The following ADK variants were observed in gnomAD, a reference collection of about 807,000 sequenced individuals.
ADK encodes adenosine kinase.
A neutral mutation model predicts 44.7 loss-of-function variants in ADK; 24 were observed. The observed-to-expected ratio is 0.54, with a 90% CI of 0.39 to 0.76. ADK has a LOEUF of 0.76. Ranked by LOEUF, ADK falls within the 30% of genes least tolerant of loss-of-function variation. ADK has a pLI of 0.00. For synonymous variants in ADK, 128 were observed against 142.6 expected, an observed-to-expected ratio of 0.90 and a Z score of 0.73; for missense variants, 321 against 425.1, an observed-to-expected ratio of 0.76 and a Z score of 2.15.
intron 7 of ADK, among the ~76,000 whole-genome samples, chr10:74,535,852 GTGC>G (rs1345198361): frequency 6.6e-6 from 1 of 152,008 alleles, no homozygotes; most frequent in East Asian, 1.9e-4. Flanking sequence ...GCCTCCCAAA[GTGC>G]TGAGATTACA....
At position 74,509,881 on chromosome 10, in the gene ADK, A is replaced by G. The variant is rs191764946; in HGVS notation, c.556-15375A>G. Among the ~76,000 whole-genome samples, 605 of 152,152 alleles carry G rather than the reference A, an allele frequency of 4.0e-3. 2 individuals carry two copies. The highest frequency in any genetic ancestry group is 0.014 in the African/African-American group (565 of 41,506). On this transcript the variant is annotated intron_variant, in intron 6 of 10. Transcript: ENST00000539909. ...CATTTCACTTAACATAATGTCCTCCAGTTTTATCTATGTTGCCATGAACCA... is the reference window on the plus strand; with the variant it reads ...CATTTCACTTAACATAATGTCCTCCGGTTTTATCTATGTTGCCATGAACCA...
intron 7 of ADK, among the ~76,000 whole-genome samples, chr10:74,541,802 C>CCG (rs1349063508): frequency 1.5e-5 from 2 of 137,682 alleles, no homozygotes; most frequent in East Asian, 2.3e-4. Context: ...ACACCCCCCC[C>CCG]CCCTAAAAAA....
chr10:74,511,146 C>A (rs945320265), intron 6 of ADK, among the ~76,000 whole-genome samples: 1 of 152,166 alleles, frequency 6.6e-6, no homozygotes, highest in Admixed American at 6.5e-5. Flanking sequence ...ATTCTTGGCA[C>A]TTTTGTCAAA....
intron 4 of ADK, among the ~76,000 whole-genome samples, chr10:74,319,424 T>C (rs539588368): frequency 2.0e-4 from 30 of 152,328 alleles, no homozygotes; most frequent in African/African-American, 7.2e-4. Context: ...TGTGTACATA[T>C]GTACCTCTGG....
intron 10 of ADK, among the ~76,000 whole-genome samples, chr10:74,683,666 G>A (rs759786598): frequency 3.3e-5 from 5 of 152,206 alleles, no homozygotes; most frequent in Admixed American, 1.3e-4. Flanking sequence ...AGACGCACAT[G>A]GGAATTAGGA....
chr10:74,254,144 A>T (rs891438385), intron 3 of ADK, among the ~76,000 whole-genome samples: 2 of 152,206 alleles, frequency 1.3e-5, no homozygotes, highest in Non-Finnish European at 2.9e-5. Flanking sequence ...TAATGTTGCA[A>T]AATTGTTATA....
At chr10:74,218,002 A>G (rs1005106979) in intron 2 of ADK, among the ~76,000 whole-genome samples, 1 of 152,238 alleles carries the variant, frequency 6.6e-6, no homozygotes, top group Non-Finnish European at 1.5e-5. Flanking sequence ...CTCACCAGCA[A>G]TGGAACAAAG....
At chr10:74,273,122 G>A (rs1205691765) in intron 3 of ADK, among the ~76,000 whole-genome samples, 1 of 152,006 alleles carries the variant, frequency 6.6e-6, no homozygotes, top group African/African-American at 2.4e-5. Context: ...CCCAGTTGTG[G>A]GGAGGTCAGT....
At chr10:74,496,456 TTCTC>T (rs1426086693) in intron 6 of ADK, among the ~76,000 whole-genome samples, 2 of 152,342 alleles carry the variant, frequency 1.3e-5, no homozygotes, top group East Asian at 3.9e-4. Context: ...CTTGCATTCA[TTCTC>T]TCTCCTGCCA....
At chr10:74,665,299 C>A (rs1854905151) in intron 9 of ADK, among the ~76,000 whole-genome samples, 1 of 152,140 alleles carries the variant, frequency 6.6e-6, no homozygotes, top group Non-Finnish European at 1.5e-5. Flanking sequence ...TAAGCAATGG[C>A]ATAAGAATGT....
chr10:74,624,956 C>A (rs1456248482), intron 9 of ADK, among the ~76,000 whole-genome samples: 1 of 151,794 alleles, frequency 6.6e-6, no homozygotes, highest in African/African-American at 2.4e-5. Context: ...ACATGAGAAC[C>A]TCTAATCTCA....
chr10:74,173,906 G>C (rs1842240661), intron 1 of ADK, among the ~76,000 whole-genome samples: 1 of 152,098 alleles, frequency 6.6e-6, no homozygotes, highest in African/African-American at 2.4e-5. Context: ...TATGCCATGT[G>C]CCAAGGATTC....
At chr10:74,517,387 T>A (rs902323762) in intron 6 of ADK, among the ~76,000 whole-genome samples, 1 of 151,984 alleles carries the variant, frequency 6.6e-6, no homozygotes, top group Admixed American at 6.6e-5. Context: ...AGTATTTTAA[T>A]CCTTAAACAG....
At chr10:74,328,140 C>T (rs1029874345) in intron 4 of ADK, among the ~76,000 whole-genome samples, 7 of 152,156 alleles carry the variant, frequency 4.6e-5, no homozygotes, top group Non-Finnish European at 7.4e-5. Context: ...AACTCCTGAC[C>T]TCAAGTGATC....
Position 74,663,697 on chromosome 10 carries a change from A to G in ADK, c.878-6486A>G, listed in dbSNP as rs1854837742. 3.9e-5 allele frequency among the ~76,000 whole-genome samples: 6 copies of G among 152,340 alleles called. No homozygotes were observed. The South Asian group carries it at 1.2e-3, about 32-fold the overall frequency. ...TATTATTATATTAACACATTTAGAA[A>G]GATTTCCAAATAAAAAGACTTTCTG... On this transcript the variant is annotated intron_variant, in intron 9 of 10. Transcript: ENST00000539909.
chr10:74,187,802 T>A (rs986927035), intron 1 of ADK, among the ~76,000 whole-genome samples: 4 of 152,288 alleles, frequency 2.6e-5, no homozygotes, highest in Non-Finnish European at 4.4e-5. Context: ...CATGTAAGGG[T>A]TTCTCAAAAG....
intron 7 of ADK, among the ~76,000 whole-genome samples, chr10:74,574,153 C>T (rs531104672): frequency 1.5e-4 from 23 of 151,770 alleles, no homozygotes; most frequent in South Asian, 4.2e-4. Context: ...ATCTTGGCTC[C>T]GCTACTTTCT....
In ADK at chr10:74,324,277, G is replaced by A. The variant is rs545122061; in HGVS notation, c.273+9532G>A. Among the ~76,000 whole-genome samples, 7 of 152,102 alleles carry A rather than the reference G, an allele frequency of 4.6e-5. No homozygotes were observed. In the East Asian group the frequency reaches 1.4e-3, roughly 30 times the overall value. ...ATTCCTGACCTCAAGCAACCCTCCT[G>A]CCTCTGCCTCCCAAAGTGCTGGGAT... is the stretch of plus-strand genomic sequence containing the variant. On this transcript the variant is annotated intron_variant, in intron 4 of 10. Coordinates refer to ENST00000539909, the MANE Select transcript of ADK (RefSeq NM_006721.4).
intron 9 of ADK, among the ~76,000 whole-genome samples, chr10:74,630,490 GTC>G (rs971210578): frequency 6.6e-6 from 1 of 151,910 alleles, no homozygotes; most frequent in Non-Finnish European, 1.5e-5. Flanking sequence ...TTTATAGAAT[GTC>G]TCTCAATTTT....
Sources: gnomAD v4.1 joint callset for allele counts (sites outside exome capture counted in the v4.1 genomes callset) on GRCh38, gnomAD v4.1.1 for gene constraint, MANE v1.5 for transcripts, NCBI Gene and HGNC (gene_info 2026-07-23, HGNC 2026-07-21) for gene names.